Variants in DPP9 observed in about 807,000 individuals in gnomAD.
DPP9 encodes the protein dipeptidyl peptidase 9.
A neutral mutation model predicts 110.7 loss-of-function variants in DPP9; 50 were observed. That is an observed-to-expected ratio of 0.45 (90% CI 0.36 to 0.57). DPP9 has a LOEUF of 0.57. DPP9 is among the 20% of genes least tolerant of loss of function. DPP9 has a pLI of 0.00. For missense variants in DPP9, 1,022 were observed against 1,217.9 expected (o/e 0.84, Z 2.39); for synonymous variants, 561 against 514.4 (o/e 1.09, Z -1.23).
At chr19:4,703,815 G>A in intron 7 of DPP9, 71 bp downstream of exon 7, 2 of 1,495,550 alleles carry the variant, frequency 1.3e-6, no homozygotes, top group South Asian at 1.2e-5. Context: ...CCTGGCTGTG[G>A]GGGCAATGGG....
chr19:4,707,768 G>A (rs2092658175), intron 4 of DPP9, among the ~76,000 whole-genome samples: 1 of 151,902 alleles, frequency 6.6e-6, no homozygotes, highest in South Asian at 2.1e-4. Flanking sequence ...TGGGATTACA[G>A]GCGCCCACCA....
Position 4,705,962 on chromosome 19 carries a change from A to G in DPP9, c.322T>C (p.Tyr108His), listed in dbSNP as rs780976744. The change falls in exon 5 of 22, where the codon TAT becomes CAT. Residue 108 changes from tyrosine (Y) to histidine (H), a missense_variant. This residue lies in a region of DPP9 where 810 missense variants were observed against 920.6 expected (regional missense o/e 0.88). Transcript: ENST00000262960. Reference protein sequence around the residue: ...SHRLYYLGMPYGSRENSLLYS... With the variant: ...SHRLYYLGMPHGSRENSLLYS... ...AGGAGGGAGTTCTCTCGGCTGCCAT[A>G]TGGCATTCCTAAAGGGAGAAAGGAA... 17 of 1,613,308 alleles carry G rather than the reference A, an allele frequency of 1.1e-5. No homozygotes were observed. The Admixed American group carries it at 1.5e-4, about 14-fold the overall frequency.
At position 4,695,365 on chromosome 19, in the gene DPP9, T is replaced by C; in HGVS notation, c.1353+13A>G. The C allele has an allele frequency of 6.4e-7, 1 of 1,551,470 alleles. No individual in the cohort carries two copies. Among genetic ancestry groups the C allele is most frequent in the East Asian group, 2.4e-5 (1 of 41,062 alleles). The stretch of plus-strand genomic sequence containing the variant: ...GCCCAGGCGGGCATACAGCCAGCGC[T>C]TGCCCCGCTTACATTGATCCAGACG... On this transcript the variant is annotated intron_variant, in intron 12 of 21. Coordinates refer to ENST00000262960, the MANE Select transcript of DPP9 (RefSeq NM_139159.5). The surrounding 1 kb of genome is among the most constrained non-coding windows in gnomAD (Gnocchi z 4.7).
At chr19:4,690,344 G>A (rs927156323) in intron 14 of DPP9, among the ~76,000 whole-genome samples, 5 of 152,248 alleles carry the variant, frequency 3.3e-5, no homozygotes, top group Admixed American at 6.5e-5. Context: ...TCAGAGCCCC[G>A]AGGGAGGAGA....
chr19:4,685,940 G>A lies in DPP9; in HGVS notation c.1886-169C>T, dbSNP rs188925760. On this transcript the variant is annotated intron_variant, in intron 16 of 21. Transcript: ENST00000262960. This position sits in a 1 kb window ranked among gnomAD's most constrained non-coding sequence, Gnocchi z 5.8. ...AAAACGTTTTTTTTTCATTAAATAA[G>A]ATTTGTACAGTTTTTGTAGAGATGG... 117 of 720,430 alleles carry A rather than the reference G, an allele frequency of 1.6e-4. No individual in the cohort carries two copies. Among genetic ancestry groups the A allele is most frequent in the Non-Finnish European group, 2.3e-4 (105 of 456,432 alleles). The allele number at this position is 720,430 out of a possible 1,614,324, so 44.6% of individuals were successfully genotyped here.
intron 16 of DPP9, 42 bp downstream of exon 16, chr19:4,688,715 G>A (rs774941994): frequency 1.3e-4 from 183 of 1,385,066 alleles, no homozygotes; most frequent in Non-Finnish European, 1.6e-4. Flanking sequence ...TTTACAGCCG[G>A]GCGGGCGGAG....
intron 21 of DPP9, among the ~76,000 whole-genome samples, chr19:4,678,644 G>C (rs2089263765): frequency 6.6e-6 from 1 of 152,010 alleles, no homozygotes; most frequent in Non-Finnish European, 1.5e-5. Context: ...GGTGTCGGTG[G>C]GGGGCACCGC....
At chr19:4,697,415 G>A in intron 11 of DPP9, 136 bp downstream of exon 11, 1 of 701,878 alleles carries the variant, frequency 1.4e-6, no homozygotes, top group Non-Finnish European at 2.4e-6. Context: ...TCTGAGGCCT[G>A]TCCTGGCGGT....
intron 18 of DPP9, chr19:4,683,935 G>A: frequency 1.1e-6 from 1 of 930,078 alleles, no homozygotes; most frequent in African/African-American, 1.7e-5. Context: ...ATTTTCTAGA[G>A]GGCACAAGGA....
At position 4,695,571 on chromosome 19, in the gene DPP9, C is replaced by T. The variant is rs374165274; in HGVS notation, c.1176-16G>A. ...GGCCCAGGCGCTAAGGGGGAAGATG[C>T]GGGGGAAGATGAGAGGGAAGCTGGG... On this transcript the variant is annotated splice_polypyrimidine_tract_variant and intron_variant, in intron 11 of 21. Coordinates refer to ENST00000262960, the MANE Select transcript of DPP9 (RefSeq NM_139159.5). This position sits in a 1 kb window ranked among gnomAD's most constrained non-coding sequence, Gnocchi z 4.7. The T allele has an allele frequency of 1.6e-4, 231 of 1,440,872 alleles. 1 individual carries two copies. The African/African-American group carries it at 3.0e-3, about 19-fold the overall frequency. The allele number at this position is 1,440,872 out of a possible 1,614,324, so 89.3% of individuals were successfully genotyped here. A position where few individuals can be genotyped will look rare whatever the true frequency, so the allele number is the denominator to read the frequency against.
intron 10 of DPP9, among the ~76,000 whole-genome samples, chr19:4,699,243 C>T (rs1390281329): frequency 6.6e-6 from 1 of 150,598 alleles, no homozygotes; most frequent in Non-Finnish European, 1.5e-5. Flanking sequence ...CAAGAGCACA[C>T]AAGGGCCTCC....
Position 4,693,452 on chromosome 19 carries a change from C to T in DPP9, c.1516+1209G>A, listed in dbSNP as rs911398681. On this transcript the variant is annotated intron_variant, in intron 13 of 21. Transcript: ENST00000262960. The surrounding 1 kb of genome is among the most constrained non-coding windows in gnomAD (Gnocchi z 5.0). Reference sequence around the variant, plus strand: ...GCACCTCAACTTGAACACATCCAAACCCGACTCTGGATTTTTTCTCTCCTA... The same window carrying T: ...GCACCTCAACTTGAACACATCCAAATCCGACTCTGGATTTTTTCTCTCCTA... 4.6e-5 allele frequency among the ~76,000 whole-genome samples: 7 copies of T among 152,150 alleles called. No homozygotes were observed. The highest frequency in any genetic ancestry group is 4.6e-4 in the Admixed American group (7 of 15,268).
intron 2 of DPP9, 109 bp downstream of exon 2, chr19:4,722,390 G>T: frequency 1.6e-6 from 1 of 641,528 alleles, no homozygotes; most frequent in South Asian, 1.7e-5. Context: ...CAACCATCCA[G>T]GGCCATAGAA....
In DPP9 at chr19:4,704,870, G is replaced by A. The variant is rs547689957; in HGVS notation, c.427-566C>T. On this transcript the variant is annotated intron_variant, in intron 5 of 21. Transcript: ENST00000262960. This position sits in a 1 kb window ranked among gnomAD's most constrained non-coding sequence, Gnocchi z 6.0. Reference sequence around the variant, plus strand: ...AAAAATTAGCCGGGTGTGGTGGCACGCGCCTGTAGTCCCAGCTACTTGGGA... The same window carrying A: ...AAAAATTAGCCGGGTGTGGTGGCACACGCCTGTAGTCCCAGCTACTTGGGA... Among the ~76,000 whole-genome samples the A allele has an allele frequency of 6.6e-6, 1 of 152,278 alleles. No individual in the cohort carries two copies. Among genetic ancestry groups the A allele is most frequent in the South Asian group, 2.1e-4 (1 of 4,822 alleles).
At position 4,682,619 on chromosome 19, in the gene DPP9, C is replaced by T; in HGVS notation, c.2474+77G>A. 2 of 1,554,412 alleles carry T rather than the reference C, an allele frequency of 1.3e-6. No individual in the cohort carries two copies. Among genetic ancestry groups the T allele is most frequent in the South Asian group, 1.2e-5 (1 of 84,348 alleles). On this transcript the variant is annotated intron_variant, in intron 20 of 21. Transcript: ENST00000262960. This position sits in a 1 kb window ranked among gnomAD's most constrained non-coding sequence, Gnocchi z 7.1. Reference sequence around the variant, plus strand: ...GGCAGGGCCAGCTGGGGCAGGAGGGCACCCTCATAGAGACAGCTGGTGCCG... The same window carrying T: ...GGCAGGGCCAGCTGGGGCAGGAGGGTACCCTCATAGAGACAGCTGGTGCCG...
chr19:4,715,735 G>C (rs547506744), intron 3 of DPP9: 1 of 152,232 alleles, frequency 6.6e-6, no homozygotes, highest in Non-Finnish European at 1.5e-5. Flanking sequence ...GCCTCGGGAT[G>C]TGGGAGGTGC....
At chr19:4,690,637 C>T (rs777485315) in intron 14 of DPP9, among the ~76,000 whole-genome samples, 6 of 152,172 alleles carry the variant, frequency 3.9e-5, no homozygotes, top group East Asian at 1.9e-4. Flanking sequence ...AATGGCACAA[C>T]GTTCAAGATG....
chr19:4,682,864 G>A lies in DPP9; in HGVS notation c.2332-26C>T. ...CTGAGGGACACAGCAGACAGATGGG[G>A]GCAGAGAGAGAGAGAGAAACAGGCG... is the stretch of plus-strand genomic sequence containing the variant. On this transcript the variant is annotated intron_variant, in intron 19 of 21. Transcript: ENST00000262960. This position sits in a 1 kb window ranked among gnomAD's most constrained non-coding sequence, Gnocchi z 7.1. The A allele has an allele frequency of 6.4e-7, 1 of 1,567,250 alleles. No homozygotes were observed. Among genetic ancestry groups the A allele is most frequent in the Non-Finnish European group, 8.6e-7 (1 of 1,157,712 alleles).
Position 4,691,061 on chromosome 19 carries a change from C to T in DPP9, c.1517-104G>A. On this transcript the variant is annotated intron_variant, in intron 13 of 21. Transcript: ENST00000262960. Reference sequence around the variant, plus strand: ...CCCGAGCAGACTCACCATGGAGCCACTGAAACCCCGGCTTGCTGTGAACTC... The same window carrying T: ...CCCGAGCAGACTCACCATGGAGCCATTGAAACCCCGGCTTGCTGTGAACTC... 4 of 834,668 alleles carry T rather than the reference C, an allele frequency of 4.8e-6. No individual in the cohort carries two copies. In the South Asian group the frequency reaches 5.9e-5, roughly 12 times the overall value. The allele number at this position is 834,668 out of a possible 1,614,324, so 51.7% of individuals were successfully genotyped here.
Sources: allele counts gnomAD v4.1 joint callset (sites outside exome capture counted in the v4.1 genomes callset), GRCh38; gene constraint gnomAD v4.1.1; regional missense constraint gnomAD v4.1.1; non-coding constraint Gnocchi (gnomAD v3.1); transcripts MANE v1.5; gene names NCBI Gene and HGNC (gene_info 2026-07-23, HGNC 2026-07-21).